The following SOX6 variants were observed in gnomAD, a reference collection of about 807,000 sequenced individuals.
SOX6 encodes the protein SRY-box transcription factor 6.
In SOX6, 11 loss-of-function variants were observed where a neutral mutation model predicts 97.8. The observed-to-expected ratio is 0.11, with a 90% CI of 0.07 to 0.19. SOX6 has a LOEUF of 0.19. Ranked by LOEUF, SOX6 falls within the 10% of genes least tolerant of loss-of-function variation. SOX6 has a pLI of 1.00. For synonymous variants in SOX6, 360 were observed against 371.4 expected (o/e 0.97, Z 0.35); for missense variants, 810 against 1,039.5 (o/e 0.78, Z 3.04).
rs538955765 is a variant in SOX6, at chr11:16,066,894, T to C, written c.1102-10993A>G. On this transcript the variant is annotated intron_variant, in intron 9 of 15. Coordinates refer to ENST00000683767, the MANE Select transcript of SOX6 (RefSeq NM_001367873.1). ...TAGGAGCCCACCTTTTGCATCAGTT[T>C]GACCTAGATGTGGGACATGGAGTCA... Among the ~76,000 whole-genome samples, 211 of 152,260 alleles carry C rather than the reference T, an allele frequency of 1.4e-3. 1 individual carries two copies. Among genetic ancestry groups the C allele is most frequent in the African/African-American group, 4.7e-3 (197 of 41,556 alleles).
chr11:16,419,251 C>T (rs1438375364), intron 1 of SOX6, among the ~76,000 whole-genome samples: 2 of 152,120 alleles, frequency 1.3e-5, no homozygotes, highest in African/African-American at 4.8e-5. Flanking sequence ...GTGCTCACTA[C>T]ACCACACATT....
chr11:16,126,282 C>T (rs1340409029), intron 6 of SOX6, among the ~76,000 whole-genome samples: 1 of 151,932 alleles, frequency 6.6e-6, no homozygotes, highest in African/African-American at 2.4e-5. Context: ...TTTTTAGTTC[C>T]ACATGACAGT....
intron 14 of SOX6, 109 bp downstream of exon 14, chr11:15,988,888 C>G (rs1853950727): frequency 8.8e-6 from 10 of 1,141,936 alleles, no homozygotes; most frequent in Non-Finnish European, 1.3e-5. Flanking sequence ...TAACTTGCGC[C>G]CGCCACAATC....
At chr11:16,057,418 A>T (rs147206518) in intron 9 of SOX6, among the ~76,000 whole-genome samples, 2 of 152,246 alleles carry the variant, frequency 1.3e-5, no homozygotes, top group East Asian at 1.9e-4. Context: ...ACTATCACTA[A>T]TTCTCAAACT....
intron 3 of SOX6, among the ~76,000 whole-genome samples, chr11:16,306,627 C>CCT (rs1855446295): frequency 9.4e-6 from 1 of 106,454 alleles, no homozygotes; most frequent in Non-Finnish European, 1.9e-5. Context: ...TTTTTTTTTT[C>CCT]TTTTTTTTTT....
intron 3 of SOX6, among the ~76,000 whole-genome samples, chr11:16,237,435 G>A (rs1853058026): frequency 1.3e-5 from 2 of 151,932 alleles, no homozygotes; most frequent in African/African-American, 2.4e-5. Context: ...ACAATATCCA[G>A]GTATGGGTAC....
chr11:16,381,088 A>G (rs1350404401), intron 1 of SOX6, among the ~76,000 whole-genome samples: 1 of 152,118 alleles, frequency 6.6e-6, no homozygotes, highest in African/African-American at 2.4e-5. Flanking sequence ...CTAAGCTAAC[A>G]TAAACCCTAC....
At chr11:16,562,776 A>G (rs1304709045) in intron 4 of SOX6, among the ~76,000 whole-genome samples, 1 of 152,126 alleles carries the variant, frequency 6.6e-6, no homozygotes, top group East Asian at 1.9e-4. Flanking sequence ...AACTTTCATC[A>G]TTGACCAACA....
intron 4 of SOX6, among the ~76,000 whole-genome samples, chr11:16,496,768 G>C (rs1180933551): frequency 1.3e-5 from 2 of 152,216 alleles, no homozygotes; most frequent in African/African-American, 4.8e-5. Context: ...GCAAGGCTGG[G>C]GGAGGGGCAC....
intron 9 of SOX6, among the ~76,000 whole-genome samples, chr11:16,090,995 G>GA (rs1475183490): frequency 6.6e-6 from 1 of 151,932 alleles, no homozygotes; most frequent in African/African-American, 2.4e-5. Flanking sequence ...ATTTTACAAT[G>GA]AAAAAAACTG....
chr11:16,186,792 C>T lies in SOX6; in HGVS notation c.699G>A (p.Gln233=). ...CTTTTGCAGGGCTCACCTGTTCTTG[C>T]TGTTGGCGAGCAAGGTCCATTTGCT... is the stretch of plus-strand genomic sequence containing the variant. ...QRQQMDLARQ[Q]QEQIARQQQQ... is the part of the protein sequence containing the mutation. Residue 233 remains glutamine, a synonymous_variant, in exon 5 of 16, where the codon CAG becomes CAA. Coordinates refer to ENST00000683767, the MANE Select transcript of SOX6 (RefSeq NM_001367873.1). The T allele has an allele frequency of 6.2e-7, 1 of 1,613,100 alleles. No homozygotes were observed. Among genetic ancestry groups the T allele is most frequent in the African/African-American group, 1.3e-5 (1 of 74,972 alleles).
rs200957930 is a variant in SOX6, at chr11:16,153,846, T to TA, written c.777+30039dup. ...TCTAAGCATTTTTAAAAGTCAAAAA[T>TA]AAAAAAAAAATCCAAATTGAGATAT... On this transcript the variant is annotated intron_variant, in intron 6 of 15. Transcript: ENST00000683767. Among the ~76,000 whole-genome samples, 281 of 149,566 alleles carry TA rather than the reference T, an allele frequency of 1.9e-3. 1 individual carries two copies. Among genetic ancestry groups the TA allele is most frequent in the African/African-American group, 5.1e-3 (207 of 40,816 alleles).
intron 4 of SOX6, among the ~76,000 whole-genome samples, chr11:16,193,164 C>T (rs1297589034): frequency 6.6e-6 from 1 of 152,124 alleles, no homozygotes; most frequent in East Asian, 1.9e-4. Flanking sequence ...AAAATGAGTA[C>T]GAGAACAGCT....
intron 1 of SOX6, among the ~76,000 whole-genome samples, chr11:16,343,498 AC>A (rs1290181820): frequency 6.6e-6 from 1 of 151,922 alleles, no homozygotes; most frequent in Non-Finnish European, 1.5e-5. Context: ...TATAAACTGC[AC>A]CAGTGAACAA....
chr11:15,989,768 C>A (rs541886582), intron 13 of SOX6, among the ~76,000 whole-genome samples: 87 of 152,230 alleles, frequency 5.7e-4, no homozygotes, highest in Middle Eastern at 6.8e-3. Flanking sequence ...ATTTATTGAG[C>A]AATTACTATA....
rs558055162 is a variant in SOX6 at position 16,362,404 on chromosome 11, G to C, written c.-4-21152C>G. ...TTCACTCCTCCACTCTCTGAACCTTGTGGAACAATCATAGCAACATGGTAC... is the reference window on the plus strand; with the variant it reads ...TTCACTCCTCCACTCTCTGAACCTTCTGGAACAATCATAGCAACATGGTAC... On this transcript the variant is annotated intron_variant, in intron 1 of 15. Coordinates refer to the SOX6 transcript ENST00000396356. Among the ~76,000 whole-genome samples the C allele has an allele frequency of 2.2e-4, 34 of 152,146 alleles. No homozygotes were observed. The East Asian group carries it at 5.6e-3, about 25-fold the overall frequency.
intron 2 of SOX6, among the ~76,000 whole-genome samples, chr11:16,333,205 T>C (rs1856361039): frequency 6.6e-6 from 1 of 152,192 alleles, no homozygotes; most frequent in Non-Finnish European, 1.5e-5. Context: ...CAAAGTAATA[T>C]GCTGCGTATC....
At chr11:16,268,565 C>T (rs1014414339) in intron 3 of SOX6, among the ~76,000 whole-genome samples, 10 of 151,222 alleles carry the variant, frequency 6.6e-5, no homozygotes, top group African/African-American at 1.9e-4. Context: ...TCAAAATATA[C>T]GTATCACAAA....
At chr11:16,368,372 C>T (rs1857411596) in intron 1 of SOX6, among the ~76,000 whole-genome samples, 1 of 152,130 alleles carries the variant, frequency 6.6e-6, no homozygotes, top group East Asian at 1.9e-4. Flanking sequence ...GTCCCAGCTA[C>T]TCAGAAGGCT....
Sources: gnomAD v4.1 joint callset for allele counts (sites outside exome capture counted in the v4.1 genomes callset) on GRCh38, gnomAD v4.1.1 for gene constraint, MANE v1.5 for transcripts, NCBI Gene and HGNC (gene_info 2026-07-23, HGNC 2026-07-21) for gene names.